Variants in NEDD4 observed in about 807,000 individuals in gnomAD.
The protein encoded by NEDD4 is NEDD4 E3 ubiquitin protein ligase.
In NEDD4, 99 loss-of-function variants were observed where a neutral mutation model predicts 144.9. The observed-to-expected ratio is 0.68, with a 90% CI of 0.58 to 0.81. The LOEUF is 0.81. NEDD4 is among the 30% of genes least tolerant of loss of function. NEDD4 has a pLI of 0.00. For missense variants in NEDD4, 985 were observed against 1,065.9 expected (o/e 0.92, Z 1.06); for synonymous variants, 318 against 350.6 (o/e 0.91, Z 1.04).
chr15:55,924,491 G>A (rs2036626365), intron 5 of NEDD4, 155 bp downstream of exon 5: 2 of 625,682 alleles, frequency 3.2e-6, no homozygotes, highest in Non-Finnish European at 5.7e-6. Flanking sequence ...CCAGGAGGAA[G>A]AAAACAAATT....
intron 22 of NEDD4, 121 bp from the exon 23 acceptor site, chr15:55,838,301 T>A: frequency 1.3e-6 from 1 of 761,068 alleles, no homozygotes; most frequent in Non-Finnish European, 2.1e-6. Flanking sequence ...AGTTAAAAAC[T>A]AAGAAAACTT....
rs1364171622 is a variant in NEDD4 at position 55,839,994 on chromosome 15, AAAAAAATATATATATATATATATAT to A, written c.2031+428_2031+452del. ...GTCTCAAAAAAAAAAAAAAAAAAAA[AAAAAAATATATATATATATATATAT>A]ATATATATATATATATATATATAAC... is the stretch of plus-strand genomic sequence containing the variant. On this transcript the variant is annotated intron_variant, in intron 21 of 28. Coordinates refer to ENST00000435532, the MANE Select transcript of NEDD4 (RefSeq NM_006154.4). 6.6e-4 allele frequency among the ~76,000 whole-genome samples: 26 copies of A among 39,304 alleles called. 1 individual carries two copies. The highest frequency in any genetic ancestry group is 2.4e-3 in the South Asian group (2 of 846). 25.8% of individuals were successfully genotyped at this position (39,304 alleles called of 152,430 possible).
chr15:55,862,977 G>C lies in NEDD4; in HGVS notation c.610C>G (p.Leu204Val). The change falls in exon 9 of 29, where the codon CTT (leucine) becomes GTT (valine). Residue 204 changes from leucine to valine, a missense_variant. Transcript: ENST00000435532. ...PPGWEERQDI[L>V]GRTYYVNHES... ...TGGTTTACATAATAGGTCCTTCCAA[G>C]GATATCCTGCCTCTCTTCCCACCCT... The C allele has an allele frequency of 6.2e-7, 1 of 1,607,666 alleles. No homozygotes were observed. The highest frequency in any genetic ancestry group is 8.5e-7 in the Non-Finnish European group (1 of 1,175,658).
At chr15:55,843,302 A>G (rs900357252) in intron 18 of NEDD4, among the ~76,000 whole-genome samples, 6 of 152,254 alleles carry the variant, frequency 3.9e-5, no homozygotes, top group African/African-American at 1.4e-4. Context: ...GTTTAACCTC[A>G]TAACAACACT....
At chr15:55,916,973 C>A in intron 5 of NEDD4, 1 of 1,404,170 alleles carries the variant, frequency 7.1e-7, no homozygotes, top group Non-Finnish European at 9.2e-7. Context: ...TAGTCTTTAT[C>A]CTAAGTAAAA....
At position 55,991,385 on chromosome 15, in the gene NEDD4, C is replaced by G. The variant is rs1199087787; in HGVS notation, c.45+2126G>C. Among the ~76,000 whole-genome samples the G allele has an allele frequency of 1.4e-4, 22 of 152,168 alleles. 1 individual carries two copies. The highest frequency in any genetic ancestry group is 1.4e-3 in the Admixed American group (22 of 15,284). On this transcript the variant is annotated intron_variant, in intron 1 of 28. Transcript: ENST00000435532. The stretch of plus-strand genomic sequence containing the variant: ...AAATGGCAAATGATAGTGGAGAGGG[C>G]AACCTCCACAAGAAAAAAAGTGACT...
chr15:55,941,994 T>C (rs1485437909), intron 4 of NEDD4, among the ~76,000 whole-genome samples: 1 of 152,192 alleles, frequency 6.6e-6, no homozygotes, highest in African/African-American at 2.4e-5. Flanking sequence ...GTATTAGCTG[T>C]AGTGTACTAT....
Position 55,867,136 on chromosome 15 carries a change from C to G in NEDD4, c.507+2443G>C, listed in dbSNP as rs556754063. Among the ~76,000 whole-genome samples, 7 of 152,188 alleles carry G rather than the reference C, an allele frequency of 4.6e-5. No homozygotes were observed. In the East Asian group the frequency reaches 1.2e-3, roughly 25 times the overall value. ...TACTTTACTACAGAATACAAACTAC[C>G]TAAGAGTGAGCTTCATTTCAAAATT... On this transcript the variant is annotated intron_variant, in intron 8 of 28. Coordinates refer to ENST00000435532, the MANE Select transcript of NEDD4 (RefSeq NM_006154.4).
At chr15:55,989,222 C>T (rs1422260678) in intron 1 of NEDD4, among the ~76,000 whole-genome samples, 1 of 152,092 alleles carries the variant, frequency 6.6e-6, no homozygotes, top group Non-Finnish European at 1.5e-5. Flanking sequence ...TGTGACAGAG[C>T]AAGACTCCGT....
In NEDD4 at chr15:55,869,889, A is replaced by C. The variant is rs2899594; in HGVS notation, c.405-208T>G. On this transcript the variant is annotated intron_variant, in intron 7 of 28. Transcript: ENST00000435532. ...TAAATAAATAAATAAATAAATAAAT[A>C]AATAATTGTTATGACACAAAGAAGA... 9.3e-4 allele frequency among the ~76,000 whole-genome samples: 140 copies of C among 149,960 alleles called. 1 individual carries two copies. Among genetic ancestry groups the C allele is most frequent in the East Asian group, 3.3e-3 (17 of 5,138 alleles).
intron 2 of NEDD4, among the ~76,000 whole-genome samples, chr15:55,956,997 TCC>T (rs1370012966): frequency 3.3e-5 from 5 of 152,362 alleles, no homozygotes; most frequent in African/African-American, 1.2e-4. Flanking sequence ...GTTTTCAGTG[TCC>T]ATTTATTACA....
intron 11 of NEDD4, among the ~76,000 whole-genome samples, chr15:55,859,850 A>G (rs569718814): frequency 1.2e-4 from 19 of 152,324 alleles, no homozygotes; most frequent in African/African-American, 2.2e-4. Context: ...TAGACAAAAC[A>G]TGAACATTGT....
intron 2 of NEDD4, among the ~76,000 whole-genome samples, chr15:55,960,130 C>T (rs540430170): frequency 1.3e-5 from 2 of 152,118 alleles, no homozygotes; most frequent in Non-Finnish European, 2.9e-5. Context: ...GACCCCATAC[C>T]CCCAAAGGAC....
chr15:55,952,979 A>G (rs1406775559), intron 2 of NEDD4, among the ~76,000 whole-genome samples: 1 of 140,546 alleles, frequency 7.1e-6, no homozygotes, highest in Non-Finnish European at 1.5e-5. Flanking sequence ...CGTTTCGTGT[A>G]TTAATTCTTT....
intron 13 of NEDD4, 121 bp downstream of exon 13, chr15:55,852,303 T>TAAA: frequency 1.5e-5 from 14 of 957,124 alleles, no homozygotes; most frequent in South Asian, 4.6e-5. Flanking sequence ...CTCAAAAAAA[T>TAAA]AAAAAAAAAA....
At chr15:55,941,660 G>A (rs1327259597) in intron 4 of NEDD4, among the ~76,000 whole-genome samples, 1 of 151,796 alleles carries the variant, frequency 6.6e-6, no homozygotes, top group African/African-American at 2.4e-5. Context: ...CGCCTCCCAG[G>A]TTCAAGCGAT....
chr15:55,949,716 C>G (rs1285836227), intron 4 of NEDD4, among the ~76,000 whole-genome samples: 1 of 152,128 alleles, frequency 6.6e-6, no homozygotes, highest in Admixed American at 6.5e-5. Context: ...AAACCAAACA[C>G]CTCATGTTCT....
intron 5 of NEDD4, among the ~76,000 whole-genome samples, chr15:55,922,614 C>T (rs1455461400): frequency 3.3e-5 from 5 of 152,284 alleles, no homozygotes; most frequent in Middle Eastern, 3.4e-3. Context: ...CCACCTAACT[C>T]GGCCTCCCAA....
intron 4 of NEDD4, among the ~76,000 whole-genome samples, chr15:55,937,141 T>G (rs1274304969): frequency 6.6e-6 from 1 of 152,172 alleles, no homozygotes; most frequent in African/African-American, 2.4e-5. Flanking sequence ...CCCGTTTGTG[T>G]TGTCAATAAC....
Sources: gnomAD v4.1 joint callset for allele counts (sites outside exome capture counted in the v4.1 genomes callset) on GRCh38, gnomAD v4.1.1 for gene constraint, MANE v1.5 for transcripts, NCBI Gene and HGNC (gene_info 2026-07-23, HGNC 2026-07-21) for gene names.